Variants in RAB21 observed in about 807,000 individuals in gnomAD.
RAB21 encodes RAB21, member RAS oncogene family.
RAB21 carries 13 observed loss-of-function variants against 33.1 expected under a neutral mutation model. The ratio of observed to expected loss-of-function variants is 0.39; its 90% CI spans 0.26 to 0.62. The LOEUF is 0.62. RAB21 is among the 20% of genes least tolerant of loss of function. The pLI, the probability that RAB21 is intolerant of heterozygous loss-of-function variation, is 0.48. For missense variants in RAB21, 234 were observed against 279.1 expected (o/e 0.84, Z 1.15); for synonymous variants, 91 against 103.7 (o/e 0.88, Z 0.74).
In RAB21 at chr12:71,799,043, G is replaced by A. The variant is rs1486304078; in HGVS notation, c.*13370G>A. On this transcript the variant is annotated 3_prime_UTR_variant, in exon 7 of 7. Coordinates refer to ENST00000261263, the MANE Select transcript of RAB21 (RefSeq NM_014999.4). ...GTGAAAAACGTTTCCATGCAGCAGT[G>A]ATCAAGTGTCTATCGTTCAGCTTCC... 1 of 152,292 alleles carries A rather than the reference G, an allele frequency of 6.6e-6. No homozygotes were observed. Among genetic ancestry groups the A allele is most frequent in the Non-Finnish European group, 1.5e-5 (1 of 68,042 alleles). The allele number at this position is 152,292 out of a possible 1,614,324, so 9.4% of individuals were successfully genotyped here. A position where few individuals can be genotyped will look rare whatever the true frequency, so the allele number is the denominator to read the frequency against.
Position 71,785,578 on chromosome 12 carries a change from T to A in RAB21, c.583T>A (p.Ser195Thr). 4 of 1,614,154 alleles carry A rather than the reference T, an allele frequency of 2.5e-6. No homozygotes were observed. The highest frequency in any genetic ancestry group is 2.5e-6 in the Non-Finnish European group (3 of 1,180,020). ...QVDERAKGNG[S>T]SQPGTARRGV... ...GGATGAGAGAGCAAAAGGCAATGGC[T>A]CTAGTCAGCCGGGAACTGCAAGGCG... is the stretch of plus-strand genomic sequence containing the variant. Residue 195 changes from serine to threonine, a missense_variant, in exon 7 of 7, where the codon TCT becomes ACT. By Grantham distance (58) the Ser-to-Thr change is moderately conservative (BLOSUM62 1). Coordinates refer to ENST00000261263, the MANE Select transcript of RAB21 (RefSeq NM_014999.4).
Position 71,785,912 on chromosome 12 carries a change from T to TGGG in RAB21, c.*239_*240insGGG, listed in dbSNP as rs1565896403. 52 of 432,784 alleles carry TGGG rather than the reference T, an allele frequency of 1.2e-4. No homozygotes were observed. Among genetic ancestry groups the TGGG allele is most frequent in the Non-Finnish European group, 1.6e-4 (41 of 250,266 alleles). The allele number at this position is 432,784 out of a possible 1,614,324, so 26.8% of individuals were successfully genotyped here. The stretch of plus-strand genomic sequence containing the variant: ...TTGTTTTTTTTTTGTTTTTTTTTGT[T>TGGG]TTTTTTTGAGACGGAGTCTCGCTCT... On this transcript the variant is annotated 3_prime_UTR_variant, in exon 7 of 7. Coordinates refer to ENST00000261263, the MANE Select transcript of RAB21 (RefSeq NM_014999.4).
chr12:71,757,299 G>A (rs1882800151), intron 1 of RAB21, among the ~76,000 whole-genome samples: 1 of 152,152 alleles, frequency 6.6e-6, no homozygotes, highest in East Asian at 1.9e-4. Flanking sequence ...TAGTAGAAAC[G>A]GGGTTTCACC....
rs1430249826 is a variant in RAB21 at position 71,789,210 on chromosome 12, C to A, written c.*3537C>A. The A allele has an allele frequency of 6.6e-6, 1 of 151,884 alleles. No homozygotes were observed. Among genetic ancestry groups the A allele is most frequent in the South Asian group, 2.1e-4 (1 of 4,820 alleles). 9.4% of individuals were successfully genotyped at this position (151,884 alleles called of 1,614,324 possible). Reference sequence around the variant, plus strand: ...GTTTTTTAAATCACTTTGAAAAGTACATTACTTTTATCAAAGAGTTTCTAA... The same window carrying A: ...GTTTTTTAAATCACTTTGAAAAGTAAATTACTTTTATCAAAGAGTTTCTAA... On this transcript the variant is annotated 3_prime_UTR_variant, in exon 7 of 7. Transcript: ENST00000261263.
At chr12:71,782,518 C>A in intron 5 of RAB21, 52 bp from the exon 6 acceptor site, 1 of 1,311,468 alleles carries the variant, frequency 7.6e-7, no homozygotes, top group Non-Finnish European at 1.1e-6. Context: ...GCAGTTAAGA[C>A]AAAATCATGA....
At chr12:71,771,731 T>C (rs1004536187) in intron 3 of RAB21, among the ~76,000 whole-genome samples, 1 of 152,162 alleles carries the variant, frequency 6.6e-6, no homozygotes, top group African/African-American at 2.4e-5. Flanking sequence ...CCCAGCACTT[T>C]GGGAGGTCGA....
At chr12:71,771,338 A>G (rs950325604) in intron 3 of RAB21, among the ~76,000 whole-genome samples, 4 of 152,188 alleles carry the variant, frequency 2.6e-5, no homozygotes, top group Non-Finnish European at 4.4e-5. Context: ...CTTTTCTCCT[A>G]AAGCTCTTCT....
chr12:71,767,553 T>C (rs2137645118), intron 1 of RAB21, among the ~76,000 whole-genome samples: 1 of 152,174 alleles, frequency 6.6e-6, no homozygotes. Context: ...GAAGATAATA[T>C]GGCATGCAGA....
chr12:71,769,617 T>A (rs952859297), intron 1 of RAB21, among the ~76,000 whole-genome samples, 183 bp from the exon 2 acceptor site: 2 of 152,182 alleles, frequency 1.3e-5, no homozygotes, highest in African/African-American at 2.4e-5. Flanking sequence ...GATTTTTTTT[T>A]AGATAAAAAT....
At position 71,790,761 on chromosome 12, in the gene RAB21, T is replaced by C. The variant is rs1369041494; in HGVS notation, c.*5088T>C. Reference sequence around the variant, plus strand: ...TTTCACATAAATTGTGTCTTACCCATGTGTTTTGCCATTTGCCTTTTCTCT... The same window carrying C: ...TTTCACATAAATTGTGTCTTACCCACGTGTTTTGCCATTTGCCTTTTCTCT... On this transcript the variant is annotated 3_prime_UTR_variant, in exon 7 of 7. Coordinates refer to ENST00000261263, the MANE Select transcript of RAB21 (RefSeq NM_014999.4). 6.6e-6 allele frequency: 1 copy of C among 152,160 alleles called. No individual in the cohort carries two copies. Among genetic ancestry groups the C allele is most frequent in the African/African-American group, 2.4e-5 (1 of 41,436 alleles). 9.4% of individuals were successfully genotyped at this position (152,160 alleles called of 1,614,324 possible).
Position 71,779,870 on chromosome 12 carries a change from T to C in RAB21, c.392-2161T>C, listed in dbSNP as rs147652682. Among the ~76,000 whole-genome samples, 586 of 152,294 alleles carry C rather than the reference T, an allele frequency of 3.8e-3. 3 individuals are homozygous for C. The highest frequency in any genetic ancestry group is 6.4e-3 in the South Asian group (31 of 4,830). On this transcript the variant is annotated intron_variant, in intron 4 of 6. Transcript: ENST00000261263. ...CTGCACAGTAGTATTGAAGCAGATATGAGTCTCAAAGCCTTACTCCTTAGC... is the reference window on the plus strand; with the variant it reads ...CTGCACAGTAGTATTGAAGCAGATACGAGTCTCAAAGCCTTACTCCTTAGC...
Position 71,790,869 on chromosome 12 carries a change from T to A in RAB21, c.*5196T>A, listed in dbSNP as rs915950906. The A allele has an allele frequency of 7.9e-6, 1 of 126,024 alleles. No homozygotes were observed. Among genetic ancestry groups the A allele is most frequent in the Non-Finnish European group, 1.5e-5 (1 of 66,224 alleles). The allele number at this position is 126,024 out of a possible 1,614,324, so 7.8% of individuals were successfully genotyped here. On this transcript the variant is annotated 3_prime_UTR_variant, in exon 7 of 7. Transcript: ENST00000261263. Reference sequence around the variant, plus strand: ...CACATTTCTATGGATGTGTCTTGCCTTTTTCTTTTTTTTTTCTTTCTTTTT... The same window carrying A: ...CACATTTCTATGGATGTGTCTTGCCATTTTCTTTTTTTTTTCTTTCTTTTT...
intron 1 of RAB21, among the ~76,000 whole-genome samples, chr12:71,768,009 G>T (rs1457634893): frequency 6.6e-6 from 1 of 152,164 alleles, no homozygotes; most frequent in Non-Finnish European, 1.5e-5. Flanking sequence ...TCCTATGCTA[G>T]CATGAATGGG....
Position 71,772,243 on chromosome 12 carries a change from A to G in RAB21, c.327+1544A>G, listed in dbSNP as rs185609573. 4.9e-3 allele frequency among the ~76,000 whole-genome samples: 742 copies of G among 152,232 alleles called. 8 individuals carry two copies. Among genetic ancestry groups the G allele is most frequent in the African/African-American group, 0.017 (707 of 41,524 alleles). ...CACTATATCTGGTGTGTTATCATCCAGTACTCTCTCTATGTGCTCTCTCAT... is the reference window on the plus strand; with the variant it reads ...CACTATATCTGGTGTGTTATCATCCGGTACTCTCTCTATGTGCTCTCTCAT... On this transcript the variant is annotated intron_variant, in intron 3 of 6. Coordinates refer to ENST00000261263, the MANE Select transcript of RAB21 (RefSeq NM_014999.4).
chr12:71,785,431 C>T (rs1424655458), intron 6 of RAB21, 100 bp from the exon 7 acceptor site: 10 of 1,361,122 alleles, frequency 7.3e-6, no homozygotes, highest in South Asian at 6.9e-5. Context: ...CTTTGTTGGT[C>T]GAAAGTCAGA....
rs1349609797 is a variant in RAB21, at chr12:71,791,730, G to C, written c.*6057G>C. On this transcript the variant is annotated 3_prime_UTR_variant, in exon 7 of 7. Coordinates refer to ENST00000261263, the MANE Select transcript of RAB21 (RefSeq NM_014999.4). ...GTAACCATTGTTAACAGTTTGGTTT[G>C]TGTCTTTATTATGCAGTTTTATATT... The C allele has an allele frequency of 6.6e-6, 1 of 152,106 alleles. No individual in the cohort carries two copies. Among genetic ancestry groups the C allele is most frequent in the Non-Finnish European group, 1.5e-5 (1 of 68,018 alleles). The allele number at this position is 152,106 out of a possible 1,614,324, so 9.4% of individuals were successfully genotyped here. A position where few individuals can be genotyped will look rare whatever the true frequency, so the allele number is the denominator to read the frequency against.
At chr12:71,758,719 T>C (rs1882826788) in intron 1 of RAB21, among the ~76,000 whole-genome samples, 1 of 151,974 alleles carries the variant, frequency 6.6e-6, no homozygotes, top group African/African-American at 2.4e-5. Flanking sequence ...GCTCAAGCAA[T>C]CCTTCTGCTT....
At position 71,798,378 on chromosome 12, in the gene RAB21, C is replaced by A. The variant is rs982610329; in HGVS notation, c.*12705C>A. 6.6e-6 allele frequency: 1 copy of A among 151,946 alleles called. No individual in the cohort carries two copies. The highest frequency in any genetic ancestry group is 2.4e-5 in the African/African-American group (1 of 41,370). The allele number at this position is 151,946 out of a possible 1,614,324, so 9.4% of individuals were successfully genotyped here. On this transcript the variant is annotated 3_prime_UTR_variant, in exon 7 of 7. Coordinates refer to ENST00000261263, the MANE Select transcript of RAB21 (RefSeq NM_014999.4). Reference sequence around the variant, plus strand: ...GGGATTATAGGTGTGAGGCACCATGCCCAACATATAACAATAAATTATATC... The same window carrying A: ...GGGATTATAGGTGTGAGGCACCATGACCAACATATAACAATAAATTATATC...
intron 4 of RAB21, among the ~76,000 whole-genome samples, chr12:71,777,350 A>C (rs1883136669): frequency 6.6e-6 from 1 of 152,098 alleles, no homozygotes; most frequent in South Asian, 2.1e-4. Flanking sequence ...TGTGCCTACG[A>C]TTCCTTTATG....
Sources: gnomAD v4.1 joint callset for allele counts (sites outside exome capture counted in the v4.1 genomes callset) on GRCh38, gnomAD v4.1.1 for gene constraint, MANE v1.5 for transcripts, NCBI Gene and HGNC (gene_info 2026-07-23, HGNC 2026-07-21) for gene names.